The following PRH1 variants were observed in gnomAD, a reference collection of about 807,000 sequenced individuals.
The protein encoded by PRH1 is proline rich protein HaeIII subfamily 1.
A neutral mutation model predicts 7.9 loss-of-function variants in PRH1; 7 were observed. The observed-to-expected ratio is 0.89, with a 90% CI of 0.50 to 1.67. The LOEUF is 1.67. Among genes scored for constraint, PRH1 ranks in the 40% most tolerant of loss-of-function variants. The pLI, the probability that PRH1 is intolerant of heterozygous loss-of-function variation, is 0.00. For missense variants in PRH1, 109 were observed against 223.6 expected (o/e 0.49, Z 3.27); for synonymous variants, 45 against 80.8 (o/e 0.56, Z 2.38).
chr12:10,908,544 CATGAT>C (rs1565463861), intron 2 of PRH1: 1 of 1,613,908 alleles, frequency 6.2e-7, no homozygotes, highest in Non-Finnish European at 8.5e-7. Flanking sequence ...CTCAGAAATC[CATGAT>C]ATGAGAACAC....
At chr12:10,931,331 T>C (rs1462095352) in intron 2 of PRH1, among the ~76,000 whole-genome samples, 2 of 152,168 alleles carry the variant, frequency 1.3e-5, no homozygotes, top group Non-Finnish European at 2.9e-5. Flanking sequence ...AATGAGGACA[T>C]AGAATCATGT....
intron 1 of PRH1, among the ~76,000 whole-genome samples, chr12:10,976,828 A>C (rs754350692): frequency 1.3e-5 from 2 of 152,158 alleles, no homozygotes; most frequent in Non-Finnish European, 2.9e-5. Flanking sequence ...GAAATGCATA[A>C]ATTCCCGGGC....
At chr12:10,889,890 G>C (rs1949546096) in intron 2 of PRH1, among the ~76,000 whole-genome samples, 1 of 151,844 alleles carries the variant, frequency 6.6e-6, no homozygotes, top group Admixed American at 6.6e-5. Context: ...TTTTTCTGCT[G>C]ACAAGTTTTT....
chr12:10,935,358 A>G (rs974392808), intron 2 of PRH1, among the ~76,000 whole-genome samples: 2 of 152,188 alleles, frequency 1.3e-5, no homozygotes, highest in African/African-American at 4.8e-5. Context: ...TTATATATCA[A>G]AATATTTTAA....
intron 1 of PRH1, among the ~76,000 whole-genome samples, chr12:11,170,203 A>AT (rs2136484879): frequency 6.6e-6 from 1 of 152,338 alleles, no homozygotes; most frequent in Admixed American, 6.5e-5. Context: ...TAACAAAAGT[A>AT]TTGTGGCTAT....
rs1198251748 is a variant in PRH1, at chr12:11,136,464, C to G, written n.40-15284G>C. 2.0e-5 allele frequency among the ~76,000 whole-genome samples: 3 copies of G among 152,100 alleles called. 1 individual carries two copies. The highest frequency in any genetic ancestry group is 4.4e-5 in the Non-Finnish European group (3 of 68,024). ...TCATATATCATTTGATGCAATTCCT[C>G]TGTATATATACCTTTGGGTAAAATT... On this transcript the variant is annotated intron_variant and non_coding_transcript_variant, in intron 1 of 1. Coordinates refer to the PRH1 transcript ENST00000541175.
At chr12:10,938,234 C>T in intron 2 of PRH1, 1 of 1,469,320 alleles carries the variant, frequency 6.8e-7, no homozygotes, top group South Asian at 1.3e-5. Flanking sequence ...TTCTTAGGAG[C>T]TATTTTTTTT....
At chr12:11,103,004 A>G (rs1007731499) in intron 1 of PRH1, among the ~76,000 whole-genome samples, 5 of 152,216 alleles carry the variant, frequency 3.3e-5, no homozygotes, top group Non-Finnish European at 5.9e-5. Context: ...ACTATCTCAC[A>G]CCAGTTAGAA....
intron 1 of PRH1, chr12:10,997,960 T>C (rs1035681327): frequency 1.1e-4 from 87 of 783,340 alleles, no homozygotes; most frequent in Middle Eastern, 1.0e-3. Context: ...AAGTTAAATA[T>C]GCACTTGATT....
intron 1 of PRH1, among the ~76,000 whole-genome samples, chr12:11,041,508 A>G (rs1942709202): frequency 6.6e-6 from 1 of 152,174 alleles, no homozygotes; most frequent in African/African-American, 2.4e-5. Flanking sequence ...AAGCAAAGAG[A>G]AAAGCCTCAA....
At chr12:10,932,350 T>C (rs528993008) in intron 2 of PRH1, 1 of 295,324 alleles carries the variant, frequency 3.4e-6, no homozygotes, top group Non-Finnish European at 7.7e-6. Context: ...CTTCTGAGTG[T>C]TTGGGACTCT....
At chr12:11,017,067 G>C (rs569990915) in intron 1 of PRH1, among the ~76,000 whole-genome samples, 1 of 152,330 alleles carries the variant, frequency 6.6e-6, no homozygotes, top group African/African-American at 2.4e-5. Flanking sequence ...CTAGGATGTG[G>C]TATCTTCCCT....
At chr12:11,139,257 G>GA (rs577516133) in intron 1 of PRH1, among the ~76,000 whole-genome samples, 156 of 152,098 alleles carry the variant, frequency 1.0e-3, no homozygotes, top group African/African-American at 3.7e-3. Flanking sequence ...AAAACAGTAA[G>GA]AAAAAATTAT....
At chr12:10,992,333 T>TA (rs910151152) in intron 1 of PRH1, among the ~76,000 whole-genome samples, 10 of 140,724 alleles carry the variant, frequency 7.1e-5, no homozygotes, top group African/African-American at 2.4e-4. Context: ...CTAACACTAA[T>TA]AATATTTGAG....
At chr12:11,120,585 T>C (rs886173297), downstream of PRH1, among the ~76,000 whole-genome samples, 1 of 152,192 alleles carries the variant, frequency 6.6e-6, no homozygotes, top group Non-Finnish European at 1.5e-5. Flanking sequence ...TATTTCCTTC[T>C]TCCAAGTGTC....
chr12:11,152,461 CTG>C (rs1007290524), intron 1 of PRH1, among the ~76,000 whole-genome samples: 9 of 151,758 alleles, frequency 5.9e-5, no homozygotes, highest in Non-Finnish European at 1.2e-4. Context: ...TATCACAAAA[CTG>C]TTTTAATATT....
chr12:11,094,391 A>G lies in PRH1; in HGVS notation n.124-47203T>C, dbSNP rs1945025888. ...AGGTTTGGAGGGTTTTCTCCTGCAC[A>G]AAAACATAACTGATAAAAGAACTCT... On this transcript the variant is annotated intron_variant and non_coding_transcript_variant, in intron 1 of 4. Transcript: ENST00000541977. Among the ~76,000 whole-genome samples the G allele has an allele frequency of 1.8e-5, 2 of 113,640 alleles. 1 individual carries two copies. Among genetic ancestry groups the G allele is most frequent in the South Asian group, 4.8e-4 (2 of 4,184 alleles). The allele number at this position is 113,640 out of a possible 152,430, so 74.6% of individuals were successfully genotyped here. A position where few individuals can be genotyped will look rare whatever the true frequency, so the allele number is the denominator to read the frequency against.
Position 10,970,861 on chromosome 12 carries a change from C to T in PRH1, c.-59+2794G>A, listed in dbSNP as rs144044844. Among the ~76,000 whole-genome samples, 8 of 152,222 alleles carry T rather than the reference C, an allele frequency of 5.3e-5. No homozygotes were observed. The East Asian group carries it at 9.7e-4, about 18-fold the overall frequency. ...GATTACAGGCGTGAGCCACTTTGCCCGGCCCTAAAATTTTAACTTGTGTTT... is the reference window on the plus strand; with the variant it reads ...GATTACAGGCGTGAGCCACTTTGCCTGGCCCTAAAATTTTAACTTGTGTTT... On this transcript the variant is annotated intron_variant, in intron 2 of 3. Coordinates refer to the PRH1 transcript ENST00000539853.
intron 1 of PRH1, among the ~76,000 whole-genome samples, chr12:11,085,151 A>T (rs1288479216): frequency 2.1e-5 from 2 of 96,640 alleles, no homozygotes; most frequent in Admixed American, 2.1e-4. Context: ...TTTTCCTAAT[A>T]TTTTTCTTCA....
Sources: allele counts gnomAD v4.1 joint callset (sites outside exome capture counted in the v4.1 genomes callset), GRCh38; gene constraint gnomAD v4.1.1; transcripts MANE v1.5; gene names NCBI Gene and HGNC (gene_info 2026-07-23, HGNC 2026-07-21).